Variants in KIAA1328 observed in about 807,000 individuals in gnomAD.
KIAA1328 encodes KIAA1328, also known as protein hinderin.
In KIAA1328, 52 loss-of-function variants were observed where a neutral mutation model predicts 68.1. The observed-to-expected ratio is 0.76, with a 90% confidence interval of 0.61 to 0.96. The LOEUF (loss-of-function observed/expected upper bound fraction) is 0.96, where lower values mean the gene tolerates loss of function less well. KIAA1328 is among the 40% of genes least tolerant of loss of function. KIAA1328 has a pLI of 0.00. For synonymous variants in KIAA1328, 232 were observed against 239.4 expected, an observed-to-expected ratio of 0.97 and a Z score of 0.28; for missense variants, 641 against 677.6, an observed-to-expected ratio of 0.95 and a Z score of 0.60.
chr18:36,948,500 T>G (rs2051001154), intron 5 of KIAA1328, among the ~76,000 whole-genome samples: 1 of 151,226 alleles, frequency 6.6e-6, no homozygotes, highest in Non-Finnish European at 1.5e-5. Context: ...GACCTCGTGA[T>G]CCTCCCACCT....
chr18:36,975,947 T>C (rs1484267388), intron 6 of KIAA1328, among the ~76,000 whole-genome samples: 1 of 152,202 alleles, frequency 6.6e-6, no homozygotes, highest in Non-Finnish European at 1.5e-5. Context: ...TTTGCCATTA[T>C]AGAAGTCCTC....
At chr18:37,195,543 A>G (rs1231565641) in intron 9 of KIAA1328, among the ~76,000 whole-genome samples, 1 of 152,198 alleles carries the variant, frequency 6.6e-6, no homozygotes, top group African/African-American at 2.4e-5. Context: ...AACACCATTT[A>G]TTAAAGAGAC....
At chr18:37,180,136 T>G (rs1385768097) in intron 9 of KIAA1328, among the ~76,000 whole-genome samples, 1 of 148,900 alleles carries the variant, frequency 6.7e-6, no homozygotes, top group Non-Finnish European at 1.5e-5. Context: ...AATATAATAC[T>G]GAAATTTATA....
chr18:37,127,743 T>C (rs915606439), intron 7 of KIAA1328, among the ~76,000 whole-genome samples: 4 of 152,168 alleles, frequency 2.6e-5, no homozygotes, highest in Non-Finnish European at 4.4e-5. Flanking sequence ...GTAAAATTTA[T>C]GTGGAAATAC....
chr18:37,199,009 A>G (rs1414937537), intron 9 of KIAA1328, among the ~76,000 whole-genome samples: 1 of 152,226 alleles, frequency 6.6e-6, no homozygotes, highest in Non-Finnish European at 1.5e-5. Flanking sequence ...ATTCACAGAA[A>G]AGAAAGATAT....
intron 9 of KIAA1328, among the ~76,000 whole-genome samples, chr18:37,192,384 T>C (rs890711414): frequency 7.2e-5 from 11 of 152,206 alleles, no homozygotes; most frequent in African/African-American, 2.4e-4. Context: ...TTATTTATGT[T>C]ATGGAATGTG....
intron 6 of KIAA1328, among the ~76,000 whole-genome samples, chr18:37,028,339 TGTTGTTGGTGAA>T (rs1250678611): frequency 6.6e-6 from 1 of 152,168 alleles, no homozygotes; most frequent in Non-Finnish European, 1.5e-5. Context: ...TCAGCTTGGA[TGTTGTTGGTGAA>T]CAGAAATGCT....
chr18:37,095,894 A>G (rs886562128), intron 7 of KIAA1328, among the ~76,000 whole-genome samples: 2 of 152,338 alleles, frequency 1.3e-5, no homozygotes, highest in African/African-American at 2.4e-5. Flanking sequence ...AGGAAGAAAT[A>G]GATAAATTCC....
chr18:37,143,381 T>C (rs2058817083), intron 7 of KIAA1328, among the ~76,000 whole-genome samples: 1 of 152,206 alleles, frequency 6.6e-6, no homozygotes, highest in Non-Finnish European at 1.5e-5. Context: ...GTTTATATAT[T>C]GCAATTTGTT....
intron 6 of KIAA1328, among the ~76,000 whole-genome samples, chr18:36,966,708 C>T (rs181627902): frequency 8.5e-5 from 13 of 152,072 alleles, no homozygotes; most frequent in South Asian, 2.1e-4. Context: ...AATTAAAATA[C>T]GGATATATTT....
At chr18:36,943,539 A>G (rs113892459) in intron 5 of KIAA1328, among the ~76,000 whole-genome samples, 1 of 152,218 alleles carries the variant, frequency 6.6e-6, no homozygotes, top group African/African-American at 2.4e-5. Context: ...TAAATAGATC[A>G]TATCAGTGTT....
At chr18:36,964,928 A>G (rs1270580178) in intron 6 of KIAA1328, among the ~76,000 whole-genome samples, 2 of 151,298 alleles carry the variant, frequency 1.3e-5, no homozygotes, top group Non-Finnish European at 2.9e-5. Flanking sequence ...GTGTCACTTC[A>G]CTTATGATGC....
intron 5 of KIAA1328, among the ~76,000 whole-genome samples, chr18:36,932,989 T>C (rs1568180496): frequency 6.6e-6 from 1 of 152,194 alleles, no homozygotes; most frequent in East Asian, 1.9e-4. Flanking sequence ...CTTTAAACTT[T>C]GGCTTTGGTA....
At chr18:36,866,549 G>A (rs2047759166) in intron 4 of KIAA1328, among the ~76,000 whole-genome samples, 1 of 152,078 alleles carries the variant, frequency 6.6e-6, no homozygotes, top group Non-Finnish European at 1.5e-5. Context: ...GTATTTCCTT[G>A]TTAATGAACA....
intron 9 of KIAA1328, among the ~76,000 whole-genome samples, chr18:37,203,624 C>A (rs1210403138): frequency 6.6e-6 from 1 of 152,056 alleles, no homozygotes; most frequent in East Asian, 1.9e-4. Flanking sequence ...GGTACAGAGC[C>A]CAAGACAAAA....
At chr18:36,992,971 G>A (rs1409632012) in intron 6 of KIAA1328, among the ~76,000 whole-genome samples, 2 of 152,066 alleles carry the variant, frequency 1.3e-5, no homozygotes, top group African/African-American at 4.8e-5. Flanking sequence ...GTTGGGTGGA[G>A]TGGTGTGCAC....
chr18:37,061,028 C>T (rs955620329), intron 6 of KIAA1328, among the ~76,000 whole-genome samples: 1 of 152,064 alleles, frequency 6.6e-6, no homozygotes, highest in African/African-American at 2.4e-5. Flanking sequence ...AGCAGGAGAA[C>T]CTCTTGAACC....
intron 5 of KIAA1328, among the ~76,000 whole-genome samples, chr18:36,930,170 G>A (rs1285114535): frequency 6.6e-6 from 1 of 152,132 alleles, no homozygotes; most frequent in Admixed American, 6.5e-5. Context: ...CTCCCACTTA[G>A]CCTTCAAGAA....
At chr18:36,913,267 C>A (rs1005253990) in intron 5 of KIAA1328, among the ~76,000 whole-genome samples, 1 of 151,536 alleles carries the variant, frequency 6.6e-6, no homozygotes, top group African/African-American at 2.4e-5. Flanking sequence ...GCCTGTAATC[C>A]CAGTGCTTTG....
Sources: allele counts gnomAD v4.1 joint callset (sites outside exome capture counted in the v4.1 genomes callset), GRCh38; gene constraint gnomAD v4.1.1; transcripts MANE v1.5; gene names NCBI Gene and HGNC (gene_info 2026-07-23, HGNC 2026-07-21).